Variants in LYST observed in about 807,000 individuals in gnomAD.
LYST encodes the protein lysosomal-trafficking regulator.
In LYST, 192 loss-of-function variants were observed where a neutral mutation model predicts 413.6. That is an observed-to-expected ratio of 0.46 (90% CI 0.41 to 0.52). LYST has a LOEUF of 0.52. Ranked by LOEUF, LYST falls within the 20% of genes least tolerant of loss-of-function variation. The pLI is 0.00. For missense variants in LYST, 3,815 were observed against 4,499.9 expected (o/e 0.85, Z 4.35); for synonymous variants, 1,525 against 1,567.3 (o/e 0.97, Z 0.64).
At chr1:235,735,330 A>C (rs1033865254) in intron 31 of LYST, 1 of 152,156 alleles carries the variant, frequency 6.6e-6, no homozygotes, top group Admixed American at 6.5e-5. Flanking sequence ...ACTACTCCCT[A>C]GAACAAAAGG....
chr1:235,739,873 A>G (rs1665186843), intron 31 of LYST, among the ~76,000 whole-genome samples: 1 of 152,234 alleles, frequency 6.6e-6, no homozygotes, highest in South Asian at 2.1e-4. Context: ...AAAGAGAAGA[A>G]AAAGTCAACG....
chr1:235,781,100 C>T lies in LYST; in HGVS notation c.5024-45G>A, dbSNP rs182899751. 3 of 1,178,350 alleles carry T rather than the reference C, an allele frequency of 2.5e-6. No individual in the cohort carries two copies. The Admixed American group carries it at 5.5e-5, about 22-fold the overall frequency. The allele number at this position is 1,178,350 out of a possible 1,614,324, so 73.0% of individuals were successfully genotyped here. On this transcript the variant is annotated intron_variant, in intron 15 of 52. Transcript: ENST00000389793. ...AGTTAGTTATTTAAAACACCCTAAC[C>T]AGAATTTTTCATAAAAAGCAAGAAA...
chr1:235,709,956 T>A (rs989454744), intron 43 of LYST, among the ~76,000 whole-genome samples: 1 of 139,792 alleles, frequency 7.2e-6, no homozygotes, highest in African/African-American at 3.4e-5. Flanking sequence ...AATATCTAAT[T>A]GTCTCATCAG....
rs1338259895 is a variant in LYST at position 235,788,849 on chromosome 1, T to A, written c.4544-4A>T. 6.2e-7 allele frequency: 1 copy of A among 1,613,214 alleles called. No homozygotes were observed. The highest frequency in any genetic ancestry group is 1.1e-5 in the South Asian group (1 of 91,070). ...GCACCTTCTGGTCTGTCGCTCTCTA[T>A]AAGAAAAAGATGTTAGAATGATCAG... On this transcript the variant is annotated splice_region_variant and splice_polypyrimidine_tract_variant and intron_variant, in intron 12 of 52. Transcript: ENST00000389793.
intron 19 of LYST, among the ~76,000 whole-genome samples, chr1:235,773,317 C>CAA (rs145099272): frequency 0.04 from 5,677 of 141,102 alleles, 360 homozygotes; most frequent in African/African-American, 0.14. Flanking sequence ...AACTCCATTT[C>CAA]AAAAAAAAAA....
intron 31 of LYST, among the ~76,000 whole-genome samples, chr1:235,739,411 T>A (rs1387582297): frequency 6.6e-6 from 1 of 152,168 alleles, no homozygotes; most frequent in Non-Finnish European, 1.5e-5. Context: ...TTTTTCCCAA[T>A]CAGTCACATC....
chr1:235,744,585 A>T (rs2103271703), intron 29 of LYST, among the ~76,000 whole-genome samples: 1 of 149,700 alleles, frequency 6.7e-6, no homozygotes, highest in Middle Eastern at 3.4e-3. Context: ...TCTGTTGCAC[A>T]GAATGTATAT....
intron 20 of LYST, among the ~76,000 whole-genome samples, chr1:235,768,527 A>C (rs1389316157): frequency 1.3e-5 from 2 of 152,132 alleles, no homozygotes; most frequent in Non-Finnish European, 2.9e-5. Flanking sequence ...TACCTGACAT[A>C]AAGCTATGTT....
chr1:235,739,632 AAAAC>A (rs1035176308), intron 31 of LYST, among the ~76,000 whole-genome samples: 22 of 152,290 alleles, frequency 1.4e-4, no homozygotes, highest in African/African-American at 5.3e-4. Flanking sequence ...GAAAAAAAAA[AAAAC>A]GTAGTCAAAT....
chr1:235,699,897 C>T (rs1216429773), intron 45 of LYST, among the ~76,000 whole-genome samples: 1 of 152,034 alleles, frequency 6.6e-6, no homozygotes, highest in Non-Finnish European at 1.5e-5. Flanking sequence ...GACATATAGA[C>T]CAATGGAATA....
Position 235,813,053 on chromosome 1 carries a change from T to C in LYST, c.201A>G (p.Thr67=). Residue 67 remains threonine, a synonymous_variant, in exon 4 of 53, where the codon ACA becomes ACG. Transcript: ENST00000389793. ...KLNSIIDQAL[T]CREELLTLLL... is the part of the protein sequence containing the mutation. The stretch of plus-strand genomic sequence containing the variant: ...GAAGAGTCAGGAGTTCTTCTCTACA[T>C]GTCAATGCCTATGTCAGTAACAAAA... 1 of 1,579,168 alleles carries C rather than the reference T, an allele frequency of 6.3e-7. No homozygotes were observed. Among genetic ancestry groups the C allele is most frequent in the Non-Finnish European group, 8.7e-7 (1 of 1,148,248 alleles).
At chr1:235,872,712 C>T (rs1680988607) in intron 1 of LYST, among the ~76,000 whole-genome samples, 1 of 151,988 alleles carries the variant, frequency 6.6e-6, no homozygotes, top group African/African-American at 2.4e-5. Context: ...TTCAGGAGTT[C>T]GAGACCAGCC....
At chr1:235,835,285 TA>T (rs2103020034) in intron 1 of LYST, among the ~76,000 whole-genome samples, 1 of 152,216 alleles carries the variant, frequency 6.6e-6, no homozygotes, top group East Asian at 1.9e-4. Context: ...GAAGGGAAAT[TA>T]TGGATCAAAC....
intron 3 of LYST, among the ~76,000 whole-genome samples, chr1:235,821,280 T>C (rs933633598): frequency 3.3e-5 from 5 of 152,078 alleles, no homozygotes; most frequent in African/African-American, 9.7e-5. Flanking sequence ...GTACAAAAAA[T>C]ACAAAAATTA....
Position 235,788,833 on chromosome 1 carries a change from G to C in LYST, c.4556C>G (p.Pro1519Arg). ...AGGATTTATGTACTCTGCACCTTCT[G>C]GTCTGTCGCTCTCTATAAGAAAAAG... ...SSFDGTESDR[P>R]EGAEYINPGE... The change falls in exon 13 of 53, where the codon CCA becomes CGA. Residue 1519 changes from proline to arginine, a missense_variant. Physicochemically the swap from Pro to Arg is moderately radical, Grantham distance 103 (BLOSUM62 -2). Around this residue, in one of 4 missense-constraint regions of LYST, gnomAD observed 1,648 missense variants for 1,810.3 expected, o/e 0.91. Coordinates refer to ENST00000389793, the MANE Select transcript of LYST (RefSeq NM_000081.4). 6.2e-7 allele frequency: 1 copy of C among 1,613,434 alleles called. No homozygotes were observed. Among genetic ancestry groups the C allele is most frequent in the Non-Finnish European group, 8.5e-7 (1 of 1,179,570 alleles).
At chr1:235,803,478 T>C (rs548107600) in intron 7 of LYST, among the ~76,000 whole-genome samples, 5 of 152,240 alleles carry the variant, frequency 3.3e-5, no homozygotes, top group African/African-American at 1.2e-4. Flanking sequence ...GCCTTATAAG[T>C]TAGGTAACTA....
chr1:235,663,966 A>G lies in LYST; in HGVS notation c.11267+18T>C. ...CACAAATTGTATTCTGAAGCATAAGAGGGGGAGAAGATCTTACCTGATGAT... is the reference window on the plus strand; with the variant it reads ...CACAAATTGTATTCTGAAGCATAAGGGGGGGAGAAGATCTTACCTGATGAT... On this transcript the variant is annotated intron_variant, in intron 52 of 52. Transcript: ENST00000389793. 1 of 1,568,322 alleles carries G rather than the reference A, an allele frequency of 6.4e-7. No homozygotes were observed. The highest frequency in any genetic ancestry group is 8.8e-7 in the Non-Finnish European group (1 of 1,138,318).
At chr1:235,667,521 G>A (rs1262999669) in intron 50 of LYST, among the ~76,000 whole-genome samples, 1 of 152,210 alleles carries the variant, frequency 6.6e-6, no homozygotes, top group Non-Finnish European at 1.5e-5. Context: ...TACACATACA[G>A]CACAGGCACA....
At chr1:235,714,455 A>G (rs763811135) in intron 42 of LYST, among the ~76,000 whole-genome samples, 2 of 152,228 alleles carry the variant, frequency 1.3e-5, no homozygotes, top group African/African-American at 4.8e-5. Context: ...TTATAGACCA[A>G]TAAGAGTGAA....
Sources: allele counts gnomAD v4.1 joint callset (sites outside exome capture counted in the v4.1 genomes callset), GRCh38; gene constraint gnomAD v4.1.1; regional missense constraint gnomAD v4.1.1; transcripts MANE v1.5; gene names NCBI Gene and HGNC (gene_info 2026-07-23, HGNC 2026-07-21).